Variants in CRIM1 observed in about 807,000 individuals in gnomAD.
CRIM1 encodes the protein cysteine-rich motor neuron 1 protein.
Under a neutral mutation model 116.4 loss-of-function variants are expected in CRIM1, and 32 were observed. That is an observed-to-expected ratio of 0.27 (90% CI 0.21 to 0.37). The LOEUF (loss-of-function observed/expected upper bound fraction) is 0.37, where lower values mean the gene tolerates loss of function less well. Among genes scored for constraint, CRIM1 ranks in the 10% least tolerant of loss-of-function variants. The pLI, the probability that CRIM1 is intolerant of heterozygous loss-of-function variation, is 1.00. For synonymous variants in CRIM1, 590 were observed against 509.2 expected (o/e 1.16, Z -2.13); for missense variants, 1,331 against 1,354.8 (o/e 0.98, Z 0.28).
intron 1 of CRIM1, among the ~76,000 whole-genome samples, chr2:36,379,544 T>C (rs934163464): frequency 6.6e-6 from 1 of 152,160 alleles, no homozygotes; most frequent in Non-Finnish European, 1.5e-5. Flanking sequence ...GCAGAGGTAA[T>C]GTGCAGTCTT....
Position 36,356,690 on chromosome 2 carries a change from G to T in CRIM1, c.331+67G>T. 6.7e-7 allele frequency: 1 copy of T among 1,484,582 alleles called. No individual in the cohort carries two copies. Among genetic ancestry groups the T allele is most frequent in the Non-Finnish European group, 9.1e-7 (1 of 1,104,936 alleles). The allele number at this position is 1,484,582 out of a possible 1,614,324, so 92.0% of individuals were successfully genotyped here. ...CCGCCCCCTCGGCGCTGGTTGTGCC[G>T]AACAAAGTTTGGGCGAGACTTTCTG... is the stretch of plus-strand genomic sequence containing the variant. On this transcript the variant is annotated intron_variant, in intron 1 of 16. Coordinates refer to ENST00000280527, the MANE Select transcript of CRIM1 (RefSeq NM_016441.3). The surrounding 1 kb of genome is among the most constrained non-coding windows in gnomAD (Gnocchi z 4.3).
intron 7 of CRIM1, among the ~76,000 whole-genome samples, chr2:36,481,145 C>T (rs555421000): frequency 6.6e-6 from 1 of 152,266 alleles, no homozygotes; most frequent in Admixed American, 6.5e-5. Flanking sequence ...CAAAATAAAA[C>T]TTTAAAAACT....
chr2:36,507,413 A>G (rs1049934941), intron 8 of CRIM1, among the ~76,000 whole-genome samples: 1 of 152,226 alleles, frequency 6.6e-6, no homozygotes, highest in African/African-American at 2.4e-5. Context: ...GTAGGTAACA[A>G]GAACATTGAT....
At chr2:36,500,967 A>G (rs1408085226) in intron 8 of CRIM1, among the ~76,000 whole-genome samples, 1 of 152,220 alleles carries the variant, frequency 6.6e-6, no homozygotes, top group African/African-American at 2.4e-5. Context: ...CAGAATCTGT[A>G]CTGGCTCCTG....
At chr2:36,509,934 C>CT (rs1354546849) in intron 8 of CRIM1, 49 bp from the exon 9 acceptor site, 1 of 1,573,458 alleles carries the variant, frequency 6.4e-7, no homozygotes, top group South Asian at 1.2e-5. Flanking sequence ...TCGAAGTGTT[C>CT]TGCTCTGTTC....
chr2:36,371,550 T>G (rs1669948717), intron 1 of CRIM1, among the ~76,000 whole-genome samples: 1 of 152,218 alleles, frequency 6.6e-6, no homozygotes, highest in South Asian at 2.1e-4. Flanking sequence ...AGAATCCCAG[T>G]GAGAAGCCAT....
At chr2:36,454,279 T>G (rs1676970414) in intron 4 of CRIM1, among the ~76,000 whole-genome samples, 1 of 152,142 alleles carries the variant, frequency 6.6e-6, no homozygotes, top group Non-Finnish European at 1.5e-5. Flanking sequence ...AGTGTGTTCT[T>G]TCCTCTATCT....
At chr2:36,475,195 C>A (rs1678869029) in intron 5 of CRIM1, among the ~76,000 whole-genome samples, 1 of 152,196 alleles carries the variant, frequency 6.6e-6, no homozygotes, top group Non-Finnish European at 1.5e-5. Flanking sequence ...GGGAATATTT[C>A]CATTTAAACA....
At chr2:36,442,764 TCTC>T (rs1184951791) in intron 4 of CRIM1, 29 bp downstream of exon 4, 2 of 1,613,598 alleles carry the variant, frequency 1.2e-6, no homozygotes, top group Non-Finnish European at 1.7e-6. Context: ...TGTCAAGTTT[TCTC>T]CTCATTTGTT....
At chr2:36,379,644 C>G (rs553460845) in intron 1 of CRIM1, among the ~76,000 whole-genome samples, 2 of 151,902 alleles carry the variant, frequency 1.3e-5, no homozygotes, top group African/African-American at 4.8e-5. Context: ...TATCCTCTCA[C>G]TAGTGTTGGG....
chr2:36,522,012 G>A, intron 12 of CRIM1, 80 bp from the exon 13 acceptor site: 2 of 1,153,068 alleles, frequency 1.7e-6, no homozygotes, highest in African/African-American at 1.5e-5. Flanking sequence ...TCATGACTGG[G>A]TGTGCTTTGA....
intron 2 of CRIM1, among the ~76,000 whole-genome samples, chr2:36,399,906 T>C (rs1292543808): frequency 6.6e-6 from 1 of 152,142 alleles, no homozygotes; most frequent in Non-Finnish European, 1.5e-5. Context: ...ATGAATTAAC[T>C]AGGGAAATGT....
At chr2:36,439,625 G>T (rs1675620290) in intron 2 of CRIM1, among the ~76,000 whole-genome samples, 1 of 152,036 alleles carries the variant, frequency 6.6e-6, no homozygotes, top group Non-Finnish European at 1.5e-5. Flanking sequence ...CTGCTGGGAT[G>T]CTCTTCTCCA....
intron 5 of CRIM1, among the ~76,000 whole-genome samples, chr2:36,471,113 G>T (rs1678477319): frequency 6.6e-6 from 1 of 152,202 alleles, no homozygotes; most frequent in Admixed American, 6.5e-5. Context: ...AAACTGGAAA[G>T]GATGAGGAGT....
chr2:36,376,532 C>T (rs996251134), intron 1 of CRIM1, among the ~76,000 whole-genome samples: 14 of 152,088 alleles, frequency 9.2e-5, no homozygotes, highest in African/African-American at 1.7e-4. Context: ...TGTGGGGATA[C>T]GAGAATGTGG....
At chr2:36,411,002 C>G (rs770905590) in intron 2 of CRIM1, among the ~76,000 whole-genome samples, 6 of 152,202 alleles carry the variant, frequency 3.9e-5, no homozygotes, top group African/African-American at 7.2e-5. Context: ...TCAGTCGTGT[C>G]TGACGCAGAT....
At chr2:36,535,072 T>G (rs994930868) in intron 13 of CRIM1, among the ~76,000 whole-genome samples, 1 of 136,008 alleles carries the variant, frequency 7.4e-6, no homozygotes, top group Non-Finnish European at 1.5e-5. Flanking sequence ...CTCATGTGTA[T>G]GGAGAGAGGA....
intron 1 of CRIM1, among the ~76,000 whole-genome samples, chr2:36,360,307 T>A (rs1380267512): frequency 2.0e-5 from 3 of 152,194 alleles, no homozygotes; most frequent in African/African-American, 7.2e-5. Context: ...GAGTCACTGT[T>A]CCGAGGACTC....
At chr2:36,523,628 T>G (rs528085864) in intron 13 of CRIM1, among the ~76,000 whole-genome samples, 19 of 152,354 alleles carry the variant, frequency 1.2e-4, no homozygotes, top group African/African-American at 4.6e-4. Flanking sequence ...ATAGTGCACC[T>G]ATAATCAGAG....
Sources: gnomAD v4.1 joint callset for allele counts (sites outside exome capture counted in the v4.1 genomes callset) on GRCh38, gnomAD v4.1.1 for gene constraint, Gnocchi (gnomAD v3.1) non-coding constraint, MANE v1.5 for transcripts, NCBI Gene and HGNC (gene_info 2026-07-23, HGNC 2026-07-21) for gene names.